ATG12: variants seen among roughly 807,000 people sequenced by gnomAD.
ATG12 encodes ubiquitin-like protein ATG12.
ATG12 carries 19 observed loss-of-function variants against 17.6 expected under a neutral mutation model. That is an observed-to-expected ratio of 1.08 (90% CI 0.75 to 1.58). The LOEUF (loss-of-function observed/expected upper bound fraction) is 1.58. Ranked by LOEUF, ATG12 falls within the 40% of genes most tolerant of loss-of-function variation. The pLI is 0.00. For synonymous variants in ATG12, 75 were observed against 62.4 expected, an observed-to-expected ratio of 1.20 and a Z score of -0.95; for missense variants, 214 against 162.0, an observed-to-expected ratio of 1.32 and a Z score of -1.74.
chr5:115,834,330 G>A (rs1203426987), intron 2 of ATG12: 3 of 152,150 alleles, frequency 2.0e-5, no homozygotes, highest in African/African-American at 7.2e-5. Flanking sequence ...ACATAAATCT[G>A]TTTGCATACT....
At position 115,831,483 on chromosome 5, in the gene ATG12, G is replaced by A. The variant is rs1760867399; in HGVS notation, c.*321C>T. On this transcript the variant is annotated 3_prime_UTR_variant, in exon 4 of 4. Coordinates refer to ENST00000509910, the MANE Select transcript of ATG12 (RefSeq NM_004707.4). Reference sequence around the variant, plus strand: ...CCATGAAAACAATTTCAGTCATTTTGAGAACTGACAATGAAGATGTTTATA... The same window carrying A: ...CCATGAAAACAATTTCAGTCATTTTAAGAACTGACAATGAAGATGTTTATA... 2 of 341,930 alleles carry A rather than the reference G, an allele frequency of 5.8e-6. No individual in the cohort carries two copies. Among genetic ancestry groups the A allele is most frequent in the Non-Finnish European group, 1.1e-5 (2 of 189,038 alleles). 21.2% of individuals were successfully genotyped at this position (341,930 alleles called of 1,614,324 possible).
At chr5:115,832,808 A>T (rs1760942701) in intron 2 of ATG12, 144 bp from the exon 3 acceptor site, 2 of 709,826 alleles carry the variant, frequency 2.8e-6, no homozygotes, top group Non-Finnish European at 4.3e-6. Flanking sequence ...CTAAATAGTC[A>T]ATTTAAAGAG....
chr5:115,837,956 C>A, intron 1 of ATG12, 192 bp from the exon 2 acceptor site: 1 of 469,420 alleles, frequency 2.1e-6, no homozygotes, highest in Non-Finnish European at 3.6e-6. Context: ...CAAAGTTCTC[C>A]CAACAGGACT....
intron 1 of ATG12, 23 bp from the exon 2 acceptor site, chr5:115,837,787 A>T: frequency 4.4e-6 from 7 of 1,574,308 alleles, no homozygotes; most frequent in Non-Finnish European, 6.0e-6. Context: ...AATAAAATTT[A>T]CTGACAATTA....
intron 2 of ATG12, chr5:115,834,072 C>G (rs2112721574): frequency 6.6e-6 from 1 of 152,242 alleles, no homozygotes. Context: ...GTACACTACT[C>G]TAGCCTAGCA....
intron 1 of ATG12, chr5:115,839,176 AAC>A (rs989041462): frequency 7.2e-5 from 11 of 152,150 alleles, no homozygotes; most frequent in African/African-American, 2.7e-4. Context: ...TTGAAAGCAA[AAC>A]AGTGTATTGC....
chr5:115,828,814 G>C lies in ATG12; in HGVS notation c.*2990C>G, dbSNP rs1197573090. 2 of 152,162 alleles carry C rather than the reference G, an allele frequency of 1.3e-5. No homozygotes were observed. The highest frequency in any genetic ancestry group is 4.8e-5 in the African/African-American group (2 of 41,460). The allele number at this position is 152,162 out of a possible 1,614,324, so 9.4% of individuals were successfully genotyped here. A position where few individuals can be genotyped will look rare whatever the true frequency, so the allele number is the denominator to read the frequency against. On this transcript the variant is annotated 3_prime_UTR_variant, in exon 4 of 4. Coordinates refer to ENST00000509910, the MANE Select transcript of ATG12 (RefSeq NM_004707.4). ...TACCAGATAAAAACCAGAATAACTGGACACATGGCTCTGAGGCAGTATGCA... is the reference window on the plus strand; with the variant it reads ...TACCAGATAAAAACCAGAATAACTGCACACATGGCTCTGAGGCAGTATGCA...
rs749744688 is a variant in ATG12 at position 115,841,539 on chromosome 5, G to T, written c.14C>A (p.Pro5Gln). Reference protein sequence around the residue: MAEEPQSVLQLPTSI... With the variant: MAEEQQSVLQLPTSI... ...AGTAGGAAGCTGCAACACAGACTGC[G>T]GCTCCTCCGCCATCTTGCTTGGAGA... Residue 5 changes from proline (P) to glutamine (Q), a missense_variant, in exon 1 of 4, where the codon CCG becomes CAG. Pro to Gln is a moderately conservative substitution (Grantham distance 76, BLOSUM62 -1). Coordinates refer to ENST00000509910, the MANE Select transcript of ATG12 (RefSeq NM_004707.4). 6 of 1,613,626 alleles carry T rather than the reference G, an allele frequency of 3.7e-6. No individual in the cohort carries two copies. Among genetic ancestry groups the T allele is most frequent in the Middle Eastern group, 3.3e-4 (2 of 6,050 alleles).
chr5:115,834,505 ATTAG>A (rs1447708601), intron 2 of ATG12, among the ~76,000 whole-genome samples: 5 of 152,190 alleles, frequency 3.3e-5, no homozygotes, highest in Admixed American at 6.5e-5. Context: ...GGCAGACAAA[ATTAG>A]TTAGTTTTAT....
intron 2 of ATG12, chr5:115,834,353 A>AT (rs1761005720): frequency 6.6e-6 from 1 of 152,252 alleles, no homozygotes; most frequent in Non-Finnish European, 1.5e-5. Flanking sequence ...AAAGCTCTAT[A>AT]TAAGTAACAG....
At chr5:115,834,492 T>C (rs1018588077) in intron 2 of ATG12, 2 of 152,236 alleles carry the variant, frequency 1.3e-5, no homozygotes, top group African/African-American at 4.8e-5. Context: ...CTGCAAGAAC[T>C]TGGGCAGACA....
chr5:115,841,565 C>A lies in ATG12; in HGVS notation c.-13G>T, dbSNP rs7724740. 2 of 1,613,946 alleles carry A rather than the reference C, an allele frequency of 1.2e-6. No homozygotes were observed. Among genetic ancestry groups the A allele is most frequent in the Admixed American group, 1.7e-5 (1 of 59,996 alleles). On this transcript the variant is annotated 5_prime_UTR_variant, in exon 1 of 4. Transcript: ENST00000509910. ...GCTCCTCCGCCATCTTGCTTGGAGA[C>A]ACTCGAGAGCGGAAGTAGCGACTGA...
intron 1 of ATG12, chr5:115,840,935 C>A (rs893201997): frequency 7.9e-7 from 1 of 1,269,170 alleles, no homozygotes; most frequent in Non-Finnish European, 1.0e-6. Flanking sequence ...TCACAACCAA[C>A]TGGGAGGGGG....
intron 2 of ATG12, chr5:115,835,277 T>C (rs899741920): frequency 3.3e-5 from 5 of 152,214 alleles, no homozygotes; most frequent in African/African-American, 1.2e-4. Flanking sequence ...GCTGTTCTTT[T>C]CCGCATCTCG....
rs778403991 is a variant in ATG12, at chr5:115,840,648, A to C, written c.163+742T>G. 3 of 1,244,704 alleles carry C rather than the reference A, an allele frequency of 2.4e-6. No homozygotes were observed. In the South Asian group the frequency reaches 4.1e-5, roughly 17 times the overall value. 77.1% of individuals were successfully genotyped at this position (1,244,704 alleles called of 1,614,324 possible). ...AACGGGGAAAACGTCTAAGGACGAA[A>C]TCAGCCTCTCTGAATCGAGGATGCT... On this transcript the variant is annotated intron_variant, in intron 1 of 3. Transcript: ENST00000509910.
At position 115,830,157 on chromosome 5, in the gene ATG12, T is replaced by C. The variant is rs887595133; in HGVS notation, c.*1647A>G. The C allele has an allele frequency of 2.7e-5, 4 of 149,606 alleles. No homozygotes were observed. The highest frequency in any genetic ancestry group is 5.9e-5 in the Non-Finnish European group (4 of 67,644). 9.3% of individuals were successfully genotyped at this position (149,606 alleles called of 1,614,324 possible). On this transcript the variant is annotated 3_prime_UTR_variant, in exon 4 of 4. Transcript: ENST00000509910. The stretch of plus-strand genomic sequence containing the variant: ...AAAAAAAAAAAAGTGCAAAGTCCTA[T>C]GTATTCTTCAGAGTTGTTAGGAAAG...
chr5:115,832,766 T>C lies in ATG12; in HGVS notation c.301-102A>G, dbSNP rs1027262915. ...TAGCTATTTTGTATTGTTTTCACAATTGAAGAAAGCTTCTCTGAACTCCTA... is the reference window on the plus strand; with the variant it reads ...TAGCTATTTTGTATTGTTTTCACAACTGAAGAAAGCTTCTCTGAACTCCTA... On this transcript the variant is annotated intron_variant, in intron 2 of 3. Coordinates refer to ENST00000509910, the MANE Select transcript of ATG12 (RefSeq NM_004707.4). 125 of 1,155,850 alleles carry C rather than the reference T, an allele frequency of 1.1e-4. 1 individual carries two copies. The highest frequency in any genetic ancestry group is 6.2e-5 in the Non-Finnish European group (53 of 848,762). 71.6% of individuals were successfully genotyped at this position (1,155,850 alleles called of 1,614,324 possible).
chr5:115,839,641 G>A (rs1489775848), intron 1 of ATG12: 3 of 152,102 alleles, frequency 2.0e-5, no homozygotes, highest in East Asian at 1.9e-4. Context: ...TTCTGAACCC[G>A]GATACACATT....
Position 115,841,547 on chromosome 5 carries a change from C to T in ATG12, c.6G>A (p.Ala2=), listed in dbSNP as rs745727013. M[A]EEPQSVLQLP... The stretch of plus-strand genomic sequence containing the variant: ...GCTGCAACACAGACTGCGGCTCCTC[C>T]GCCATCTTGCTTGGAGACACTCGAG... Residue 2 remains alanine, a synonymous_variant, in exon 1 of 4, where the codon GCG becomes GCA. Coordinates refer to ENST00000509910, the MANE Select transcript of ATG12 (RefSeq NM_004707.4). 7 of 1,613,748 alleles carry T rather than the reference C, an allele frequency of 4.3e-6. No individual in the cohort carries two copies. Among genetic ancestry groups the T allele is most frequent in the African/African-American group, 2.7e-5 (2 of 74,962 alleles).
Sources: gnomAD v4.1 joint callset for allele counts (sites outside exome capture counted in the v4.1 genomes callset) on GRCh38, gnomAD v4.1.1 for gene constraint, MANE v1.5 for transcripts, NCBI Gene and HGNC (gene_info 2026-07-23, HGNC 2026-07-21) for gene names.